The following PEBP4 variants were observed in gnomAD, a reference collection of about 807,000 sequenced individuals.
PEBP4 encodes phosphatidylethanolamine-binding protein 4.
PEBP4 carries 22 observed loss-of-function variants against 23.9 expected under a neutral mutation model. The ratio of observed to expected loss-of-function variants is 0.92; its 90% CI spans 0.66 to 1.31. The LOEUF is 1.31. Ranked by LOEUF, PEBP4 falls within the 40% of genes most tolerant of loss-of-function variation. The pLI is 0.00. For missense variants in PEBP4, 324 were observed against 281.7 expected, an observed-to-expected ratio of 1.15 and a Z score of -1.07; for synonymous variants, 112 against 99.3, an observed-to-expected ratio of 1.13 and a Z score of -0.76.
At chr8:22,750,302 A>G (rs1173892097) in intron 4 of PEBP4, among the ~76,000 whole-genome samples, 2 of 147,898 alleles carry the variant, frequency 1.4e-5, no homozygotes, top group African/African-American at 5.0e-5. Flanking sequence ...GGGTTTCACC[A>G]CTTTGGTCAG....
chr8:22,745,092 A>G (rs1563202054), intron 4 of PEBP4, among the ~76,000 whole-genome samples: 2 of 151,968 alleles, frequency 1.3e-5, no homozygotes, highest in African/African-American at 4.8e-5. Flanking sequence ...GGAAGGGAAT[A>G]TTTTTTTCCC....
At chr8:22,918,121 T>G (rs1809117006) in intron 3 of PEBP4, among the ~76,000 whole-genome samples, 1 of 152,228 alleles carries the variant, frequency 6.6e-6, no homozygotes, top group Admixed American at 6.5e-5. Flanking sequence ...CTTGGAGACT[T>G]AAATGAAAGG....
chr8:22,750,598 T>C (rs1211225510), intron 4 of PEBP4, among the ~76,000 whole-genome samples: 1 of 152,212 alleles, frequency 6.6e-6, no homozygotes, highest in Non-Finnish European at 1.5e-5. Context: ...TTTCACCTTC[T>C]ATGGGAAGGA....
rs954880642 is a variant in PEBP4 at position 22,775,228 on chromosome 8, G to A, written c.357+42409C>T. Among the ~76,000 whole-genome samples the A allele has an allele frequency of 2.6e-5, 4 of 152,136 alleles. No individual in the cohort carries two copies. The highest frequency in any genetic ancestry group is 4.8e-5 in the African/African-American group (2 of 41,408). ...CCATATCAACTGGCCCCTTCTACCC[G>A]AGAAAGCTGCCTCTCTCAGCAGCAT... On this transcript the variant is annotated intron_variant, in intron 4 of 6. Coordinates refer to ENST00000256404, the MANE Select transcript of PEBP4 (RefSeq NM_144962.3). This position sits in a 1 kb window ranked among gnomAD's most constrained non-coding sequence, Gnocchi z 4.8.
intron 4 of PEBP4, among the ~76,000 whole-genome samples, chr8:22,783,955 C>T (rs529760878): frequency 4.3e-4 from 65 of 150,852 alleles, no homozygotes; most frequent in African/African-American, 1.5e-3. Flanking sequence ...CAAGCACTTC[C>T]TGCCCACCAG....
chr8:22,906,825 C>T (rs557000548), intron 3 of PEBP4, among the ~76,000 whole-genome samples: 1 of 152,324 alleles, frequency 6.6e-6, no homozygotes, highest in African/African-American at 2.4e-5. Context: ...GATTCCTGCC[C>T]TCATGGAGCT....
At chr8:22,924,197 C>G (rs1458505081) in intron 2 of PEBP4, among the ~76,000 whole-genome samples, 1 of 152,054 alleles carries the variant, frequency 6.6e-6, no homozygotes, top group Non-Finnish European at 1.5e-5. Flanking sequence ...ACTCCCAACT[C>G]TACAAAAAAT....
At chr8:22,806,276 C>T (rs1161941001) in intron 4 of PEBP4, among the ~76,000 whole-genome samples, 2 of 152,112 alleles carry the variant, frequency 1.3e-5, no homozygotes, top group Non-Finnish European at 2.9e-5. Context: ...TTAGCTATTC[C>T]TTGAAACTTT....
intron 2 of PEBP4, among the ~76,000 whole-genome samples, chr8:22,925,975 G>A (rs184704520): frequency 1.3e-4 from 20 of 152,164 alleles, no homozygotes; most frequent in African/African-American, 4.1e-4. Context: ...TTGCTTGTTT[G>A]TTTTTTTGTT....
At chr8:22,920,786 C>G (rs1809182729) in intron 2 of PEBP4, among the ~76,000 whole-genome samples, 1 of 152,190 alleles carries the variant, frequency 6.6e-6, no homozygotes. Context: ...TAGACCTTCT[C>G]TCTCCCCTAA....
At chr8:22,836,617 C>T (rs959538505) in intron 3 of PEBP4, among the ~76,000 whole-genome samples, 2 of 152,252 alleles carry the variant, frequency 1.3e-5, no homozygotes, top group South Asian at 2.1e-4. Context: ...GCTCACATGG[C>T]TCTGGCTGTG....
At chr8:22,807,331 G>C (rs542416810) in intron 4 of PEBP4, among the ~76,000 whole-genome samples, 1 of 152,176 alleles carries the variant, frequency 6.6e-6, no homozygotes, top group Non-Finnish European at 1.5e-5. Flanking sequence ...GGGCAGGCAG[G>C]TTTCAGAGCC....
chr8:22,755,173 A>G (rs1167121356), intron 4 of PEBP4, among the ~76,000 whole-genome samples: 1 of 152,128 alleles, frequency 6.6e-6, no homozygotes, highest in African/African-American at 2.4e-5. Flanking sequence ...CTGGAGTCCA[A>G]AGATCTGCTT....
At chr8:22,784,949 G>A (rs1353612562) in intron 4 of PEBP4, among the ~76,000 whole-genome samples, 2 of 152,206 alleles carry the variant, frequency 1.3e-5, no homozygotes, top group Non-Finnish European at 2.9e-5. Flanking sequence ...GTCACCTTTT[G>A]CGGGTGCTGG....
intron 1 of PEBP4, among the ~76,000 whole-genome samples, chr8:22,933,261 A>G (rs1474459054): frequency 6.6e-6 from 1 of 152,208 alleles, no homozygotes; most frequent in Non-Finnish European, 1.5e-5. Flanking sequence ...ACCTTCAGAC[A>G]CTGAAGACAA....
chr8:22,761,823 C>T (rs1193052525), intron 4 of PEBP4, among the ~76,000 whole-genome samples: 2 of 151,418 alleles, frequency 1.3e-5, no homozygotes, highest in Non-Finnish European at 1.5e-5. Flanking sequence ...CTCTTTCTCT[C>T]TTTTTTTTTA....
At chr8:22,717,966 C>A (rs1181749062) in intron 6 of PEBP4, among the ~76,000 whole-genome samples, 2 of 152,044 alleles carry the variant, frequency 1.3e-5, no homozygotes, top group Non-Finnish European at 2.9e-5. Context: ...AGGCGGGAGG[C>A]CTGAGACTTT....
intron 3 of PEBP4, 146 bp downstream of exon 3, chr8:22,920,038 C>T: frequency 1.0e-6 from 1 of 981,494 alleles, no homozygotes; most frequent in Non-Finnish European, 1.5e-6. Context: ...AAGGAAGGCA[C>T]AACTTTATGG....
At chr8:22,840,368 G>C (rs1807298781) in intron 3 of PEBP4, among the ~76,000 whole-genome samples, 1 of 150,444 alleles carries the variant, frequency 6.6e-6, no homozygotes, top group African/African-American at 2.4e-5. Context: ...AAAAGAACAT[G>C]GTTCTTTTCT....
Sources: allele counts gnomAD v4.1 joint callset (sites outside exome capture counted in the v4.1 genomes callset), GRCh38; gene constraint gnomAD v4.1.1; non-coding constraint Gnocchi (gnomAD v3.1); transcripts MANE v1.5; gene names NCBI Gene and HGNC (gene_info 2026-07-23, HGNC 2026-07-21).